Variants in RPL39 observed in about 807,000 individuals in gnomAD.
The protein encoded by RPL39 is large ribosomal subunit protein eL39.
For synonymous variants in RPL39, 8 were observed against 11.4 expected (o/e 0.70, Z 0.60); for missense variants, 6 against 37.2 (o/e 0.16, Z 2.18).
At position 119,786,658 on chromosome X, in the gene RPL39, A is replaced by G. The variant is rs756943258; in HGVS notation, c.*26T>C. 9.1e-7 allele frequency: 1 copy of G among 1,104,776 alleles called. No homozygotes were observed. Among genetic ancestry groups the G allele is most frequent in the Non-Finnish European group, 1.2e-6 (1 of 801,963 alleles). 91.0% of individuals were successfully genotyped at this position (1,104,776 alleles called of 1,213,427 possible). A position where few individuals can be genotyped will look rare whatever the true frequency, so the allele number is the denominator to read the frequency against. On this transcript the variant is annotated 3_prime_UTR_variant, in exon 3 of 3. Transcript: ENST00000361575. Reference sequence around the variant, plus strand: ...ATCGTGACCTTCAGACAGCATAAATATGTGTGCCATCTCATGTGCAATTCC... The same window carrying G: ...ATCGTGACCTTCAGACAGCATAAATGTGTGTGCCATCTCATGTGCAATTCC...
intron 1 of RPL39, 134 bp downstream of exon 1, chrX:119,791,440 G>A (rs1038281821): frequency 3.3e-5 from 19 of 576,083 alleles, no homozygotes; most frequent in Middle Eastern, 1.1e-3. Context: ...AACAGTGGCC[G>A]AACTGGATAT....
chrX:119,790,039 CAAT>C, intron 1 of RPL39, 28 bp from the exon 2 acceptor site: 2 of 882,723 alleles, frequency 2.3e-6, no homozygotes, highest in Non-Finnish European at 3.3e-6. Flanking sequence ...TCAATTTAGA[CAAT>C]ATTAGAGCCT....
rs1241883014 is a variant in RPL39, at chrX:119,791,613, G to C, written c.-37C>G. ...GAGTCAAGAACACACCACGATGGCG[G>C]AGAAAGGAAGAGGAGGGAAGCTGGC... is the stretch of plus-strand genomic sequence containing the variant. On this transcript the variant is annotated 5_prime_UTR_variant, in exon 1 of 3. Transcript: ENST00000361575. The C allele has an allele frequency of 8.7e-6, 10 of 1,154,142 alleles. No homozygotes were observed. In the African/African-American group the frequency reaches 1.6e-4, roughly 19 times the overall value.
intron 1 of RPL39, chrX:119,791,258 A>AC: frequency 4.0e-6 from 1 of 249,099 alleles, no homozygotes; most frequent in South Asian, 2.3e-4. Context: ...GCCACCTCCC[A>AC]CCCCCCGCCT....
At chrX:119,786,788 C>T in intron 2 of RPL39, 56 bp from the exon 3 acceptor site, 1 of 957,252 alleles carries the variant, frequency 1.0e-6, no homozygotes, top group Non-Finnish European at 1.5e-6. Flanking sequence ...TGTAGCTGTT[C>T]CCATTCACAT....
At chrX:119,787,874 TCTCAAATTCCTGGC>T (rs1019521266) in intron 2 of RPL39, among the ~76,000 whole-genome samples, 1 of 110,645 alleles carries the variant, frequency 9.0e-6, no homozygotes, top group African/African-American at 3.3e-5. Flanking sequence ...CCCAGGCTGG[TCTCAAATTCCTGGC>T]CTCAAGCAAT....
chrX:119,788,139 G>GC (rs1437778441), intron 2 of RPL39, among the ~76,000 whole-genome samples: 1 of 111,698 alleles, frequency 9.0e-6, no homozygotes, highest in African/African-American at 3.3e-5. Context: ...CATCTAACTA[G>GC]CTAAATGAAC....
At chrX:119,787,798 C>T (rs1432448960) in intron 2 of RPL39, among the ~76,000 whole-genome samples, 1 of 110,961 alleles carries the variant, frequency 9.0e-6, no homozygotes, top group African/African-American at 3.3e-5. Context: ...ACTACAAGCA[C>T]GTGCCACCAA....
chrX:119,786,857 G>T, intron 2 of RPL39, 125 bp from the exon 3 acceptor site: 1 of 520,325 alleles, frequency 1.9e-6, no homozygotes, highest in Non-Finnish European at 3.3e-6. Context: ...TAACAAGTTT[G>T]GAGTTCTTTC....
At chrX:119,787,779 ATAGT>A (rs1569456031) in intron 2 of RPL39, among the ~76,000 whole-genome samples, 1 of 110,873 alleles carries the variant, frequency 9.0e-6, no homozygotes. Flanking sequence ...AGCCTGCTAA[ATAGT>A]TAGGACTACA....
chrX:119,790,477 G>A (rs2055693539), intron 1 of RPL39: 1 of 115,365 alleles, frequency 8.7e-6, no homozygotes, highest in African/African-American at 3.2e-5. Flanking sequence ...TTGTAAAACA[G>A]GGGTACGTAC....
chrX:119,786,783 C>T, intron 2 of RPL39, 51 bp from the exon 3 acceptor site: 5 of 1,006,285 alleles, frequency 5.0e-6, no homozygotes, highest in Non-Finnish European at 7.0e-6. Context: ...AGCAATGTAG[C>T]TGTTCCCATT....
intron 2 of RPL39, among the ~76,000 whole-genome samples, chrX:119,789,556 C>CAA (rs1385582390): frequency 2.4e-5 from 2 of 84,519 alleles, no homozygotes; most frequent in African/African-American, 8.7e-5. Context: ...GACTCCGTCT[C>CAA]AAAACAAAAA....
At position 119,791,590 on chromosome X, in the gene RPL39, G is replaced by C. The variant is rs1425687465; in HGVS notation, c.-14C>G. 1.7e-6 allele frequency: 2 copies of C among 1,177,195 alleles called. No homozygotes were observed. Among genetic ancestry groups the C allele is most frequent in the South Asian group, 1.9e-5 (1 of 51,589 alleles). On this transcript the variant is annotated 5_prime_UTR_variant, in exon 1 of 3. Transcript: ENST00000361575. The stretch of plus-strand genomic sequence containing the variant: ...TGGACTTACCATGGCGAGCAGCGGA[G>C]TCAAGAACACACCACGATGGCGGAG...
At position 119,791,291 on chromosome X, in the gene RPL39, G is replaced by T. The variant is rs2055699569; in HGVS notation, c.3+283C>A. The T allele has an allele frequency of 3.2e-5, 9 of 281,465 alleles. No homozygotes were observed. The East Asian group carries it at 4.9e-4, about 15-fold the overall frequency. 23.2% of individuals were successfully genotyped at this position (281,465 alleles called of 1,213,427 possible). On this transcript the variant is annotated intron_variant, in intron 1 of 2. Transcript: ENST00000361575. Reference sequence around the variant, plus strand: ...CCTCCAGAACGAGTTCGCTACAAGCGAAGGGAAACCGGAATCCCTGCCCGA... The same window carrying T: ...CCTCCAGAACGAGTTCGCTACAAGCTAAGGGAAACCGGAATCCCTGCCCGA...
chrX:119,786,749 G>C lies in RPL39; in HGVS notation c.108-17C>G. ...GAGTTGTACCTACACAGAAAAAAAT[G>C]TCAAGTTACAAAGGCAGTCTGACAG... is the stretch of plus-strand genomic sequence containing the variant. On this transcript the variant is annotated splice_polypyrimidine_tract_variant and intron_variant, in intron 2 of 2. Transcript: ENST00000361575. 1 of 1,188,781 alleles carries C rather than the reference G, an allele frequency of 8.4e-7. No individual in the cohort carries two copies.
intron 2 of RPL39, among the ~76,000 whole-genome samples, chrX:119,788,531 CAAA>C (rs11410623): frequency 1.1e-5 from 1 of 91,615 alleles, no homozygotes. Context: ...AACTCCATCT[CAAA>C]AAAAAAAAAA....
chrX:119,787,582 T>C, intron 2 of RPL39: 1 of 295,092 alleles, frequency 3.4e-6, no homozygotes, highest in Non-Finnish European at 6.5e-6. Flanking sequence ...ACGTACAAAA[T>C]ACCTTCCCAA....
At chrX:119,790,485 T>C (rs1397448963) in intron 1 of RPL39, 5 of 114,525 alleles carry the variant, frequency 4.4e-5, no homozygotes, top group African/African-American at 1.6e-4. Flanking sequence ...CAGGGGTACG[T>C]ACTTTTCAAG....
Sources: allele counts gnomAD v4.1 joint callset (sites outside exome capture counted in the v4.1 genomes callset), GRCh38; gene constraint gnomAD v4.1.1; transcripts MANE v1.5; gene names NCBI Gene and HGNC (gene_info 2026-07-23, HGNC 2026-07-21).